Variants in PTPRR observed in about 807,000 individuals in gnomAD.
PTPRR encodes protein tyrosine phosphatase receptor type R.
PTPRR carries 38 observed loss-of-function variants against 77.2 expected under a neutral mutation model. The ratio of observed to expected loss-of-function variants is 0.49; its 90% CI spans 0.38 to 0.65. The LOEUF is 0.65. PTPRR is among the 30% of genes least tolerant of loss of function. PTPRR has a pLI of 0.00. For missense variants in PTPRR, 744 were observed against 799.2 expected, an observed-to-expected ratio of 0.93 and a Z score of 0.83; for synonymous variants, 299 against 283.1, an observed-to-expected ratio of 1.06 and a Z score of -0.57.
chr12:70,881,101 T>TA (rs1893142458), intron 2 of PTPRR, among the ~76,000 whole-genome samples: 1 of 152,074 alleles, frequency 6.6e-6, no homozygotes, highest in African/African-American at 2.4e-5. Context: ...ATTTCCTATT[T>TA]AAAAACAGAC....
chr12:70,639,116 A>G lies in PTPRR; in HGVS notation c.*68T>C. 2 of 1,387,276 alleles carry G rather than the reference A, an allele frequency of 1.4e-6. No homozygotes were observed. The highest frequency in any genetic ancestry group is 2.0e-6 in the Non-Finnish European group (2 of 992,136). The allele number at this position is 1,387,276 out of a possible 1,614,324, so 85.9% of individuals were successfully genotyped here. On this transcript the variant is annotated 3_prime_UTR_variant, in exon 14 of 14. Transcript: ENST00000283228. ...CCTTCCATTGCAGGAAGCTCCTTCT[A>G]GAAGCCTTGGGTGGGTAATTTGATT... is the stretch of plus-strand genomic sequence containing the variant.
chr12:70,861,292 G>A (rs1455378878), intron 2 of PTPRR, among the ~76,000 whole-genome samples: 1 of 152,058 alleles, frequency 6.6e-6, no homozygotes, highest in Non-Finnish European at 1.5e-5. Flanking sequence ...GTCTCTGAGG[G>A]CATCTGTTAA....
At chr12:70,831,292 T>C (rs1892207782) in intron 2 of PTPRR, among the ~76,000 whole-genome samples, 1 of 152,200 alleles carries the variant, frequency 6.6e-6, no homozygotes, top group Admixed American at 6.5e-5. Context: ...AGGAGTTAGG[T>C]TAAAATCACT....
intron 11 of PTPRR, among the ~76,000 whole-genome samples, chr12:70,661,899 A>G (rs1179350425): frequency 6.6e-6 from 1 of 152,160 alleles, no homozygotes; most frequent in African/African-American, 2.4e-5. Flanking sequence ...ATAAGATCGA[A>G]ATTTTTGGGT....
chr12:70,834,900 A>G (rs1406991330), intron 2 of PTPRR, among the ~76,000 whole-genome samples: 1 of 152,160 alleles, frequency 6.6e-6, no homozygotes, highest in Non-Finnish European at 1.5e-5. Context: ...CATTAGAGTC[A>G]AACAATATGT....
At position 70,737,488 on chromosome 12, in the gene PTPRR, A is replaced by T. The variant is rs980868587; in HGVS notation, c.1007+8330T>A. 2.4e-5 allele frequency among the ~76,000 whole-genome samples: 3 copies of T among 122,650 alleles called. No homozygotes were observed. In the East Asian group the frequency reaches 6.6e-4, roughly 27 times the overall value. 80.5% of individuals were successfully genotyped at this position (122,650 alleles called of 152,430 possible). On this transcript the variant is annotated intron_variant, in intron 6 of 13. Transcript: ENST00000283228. ...TCGATTATGGGTCTATTTAATGAAT[A>T]TCTATCTATCTATCTATCTATCTAT...
Position 70,751,398 on chromosome 12 carries a change from C to T in PTPRR, c.738+2793G>A, listed in dbSNP as rs80347996. On this transcript the variant is annotated intron_variant, in intron 5 of 13. Coordinates refer to ENST00000283228, the MANE Select transcript of PTPRR (RefSeq NM_002849.4). ...CAGAAGCCTCCAGAAAGATCCTCCT[C>T]CTTCCACAACTCTCCCCATCCTCTG... 3.9e-5 allele frequency among the ~76,000 whole-genome samples: 6 copies of T among 152,262 alleles called. No homozygotes were observed. The East Asian group carries it at 9.7e-4, about 25-fold the overall frequency.
chr12:70,701,348 T>C, intron 6 of PTPRR, 25 bp from the exon 7 acceptor site: 1 of 1,602,348 alleles, frequency 6.2e-7, no homozygotes, highest in Non-Finnish European at 8.5e-7. Context: ...AATGTTATGT[T>C]TAAACACCAC....
At chr12:70,670,841 A>G (rs563572579) in intron 10 of PTPRR, among the ~76,000 whole-genome samples, 6 of 152,356 alleles carry the variant, frequency 3.9e-5, no homozygotes, top group African/African-American at 1.4e-4. Flanking sequence ...AGATTTATCT[A>G]AATGAAGGAA....
At position 70,746,009 on chromosome 12, in the gene PTPRR, C is replaced by T. The variant is rs776099974; in HGVS notation, c.816G>A (p.Ser272=). ...DKEKNQEIHL[S]PITLQPALSE... is the part of the protein sequence containing the mutation. ...ACAGTGCTGGCTGTAATGTGATGGGCGATAGGTGGATCTCCTGGTTTTTCT... is the reference window on the plus strand; with the variant it reads ...ACAGTGCTGGCTGTAATGTGATGGGTGATAGGTGGATCTCCTGGTTTTTCT... The change falls in exon 6 of 14, where the codon TCG becomes TCA. Residue 272 remains serine (S), a synonymous_variant. Transcript: ENST00000283228. The T allele has an allele frequency of 1.4e-5, 23 of 1,613,618 alleles. No individual in the cohort carries two copies. The highest frequency in any genetic ancestry group is 3.3e-5 in the Admixed American group (2 of 59,968).
At chr12:70,821,830 A>T (rs1313621787) in intron 2 of PTPRR, among the ~76,000 whole-genome samples, 1 of 151,410 alleles carries the variant, frequency 6.6e-6, no homozygotes, top group African/African-American at 2.4e-5. Context: ...ACGCCTGCCT[A>T]ATTTTTTGTA....
intron 2 of PTPRR, among the ~76,000 whole-genome samples, chr12:70,885,079 C>A (rs1261771074): frequency 1.3e-5 from 2 of 151,798 alleles, no homozygotes; most frequent in Non-Finnish European, 2.9e-5. Flanking sequence ...TTGAAACGTA[C>A]ATAATTTGCC....
chr12:70,860,012 C>T (rs939332689), intron 2 of PTPRR, among the ~76,000 whole-genome samples: 11 of 152,046 alleles, frequency 7.2e-5, no homozygotes, highest in African/African-American at 2.7e-4. Context: ...CAAGTCATTG[C>T]TTTTTTCCCC....
At chr12:70,725,084 G>A (rs1889388708) in intron 6 of PTPRR, among the ~76,000 whole-genome samples, 1 of 151,886 alleles carries the variant, frequency 6.6e-6, no homozygotes, top group African/African-American at 2.4e-5. Context: ...ACCCTGCCCC[G>A]GTATGAGAAG....
chr12:70,789,976 C>A (rs1466155965), intron 2 of PTPRR, among the ~76,000 whole-genome samples: 1 of 152,056 alleles, frequency 6.6e-6, no homozygotes, highest in Non-Finnish European at 1.5e-5. Flanking sequence ...AAATCAGAAG[C>A]AACTTAAATG....
chr12:70,786,469 G>C (rs574893696), intron 2 of PTPRR, among the ~76,000 whole-genome samples: 1 of 152,248 alleles, frequency 6.6e-6, no homozygotes, highest in African/African-American at 2.4e-5. Context: ...CTTTATTTCA[G>C]ATGTGGGTGA....
Position 70,750,163 on chromosome 12 carries a change from G to T in PTPRR, c.738+4028C>A, listed in dbSNP as rs536296689. ...TTATGCCTGGCAACATTTTTTTTTT[G>T]TATTTTAAGGAAAGTAAACAATATG... is the stretch of plus-strand genomic sequence containing the variant. On this transcript the variant is annotated intron_variant, in intron 5 of 13. Transcript: ENST00000283228. Among the ~76,000 whole-genome samples the T allele has an allele frequency of 4.9e-3, 739 of 150,124 alleles. 21 individuals carry two copies. In the South Asian group the frequency reaches 0.062, roughly 13 times the overall value.
intron 1 of PTPRR, among the ~76,000 whole-genome samples, chr12:70,915,919 G>A (rs1469579727): frequency 6.6e-6 from 1 of 152,110 alleles, no homozygotes; most frequent in Non-Finnish European, 1.5e-5. Context: ...TCTTTAGAAA[G>A]ATTTTATGTC....
chr12:70,639,320 T>G, intron 13 of PTPRR, 43 bp from the exon 14 acceptor site: 1 of 1,595,926 alleles, frequency 6.3e-7, no homozygotes, highest in Non-Finnish European at 8.5e-7. Flanking sequence ...TGCTAAAATC[T>G]TGCAATTTCA....
Sources: allele counts gnomAD v4.1 joint callset (sites outside exome capture counted in the v4.1 genomes callset), GRCh38; gene constraint gnomAD v4.1.1; transcripts MANE v1.5; gene names NCBI Gene and HGNC (gene_info 2026-07-23, HGNC 2026-07-21).